Variants in TUFM observed in about 807,000 individuals in gnomAD.
TUFM encodes the protein Tu translation elongation factor, mitochondrial.
Under a neutral mutation model 45.0 loss-of-function variants are expected in TUFM, and 23 were observed. That is an observed-to-expected ratio of 0.51 (90% CI 0.37 to 0.72). The LOEUF (loss-of-function observed/expected upper bound fraction) is 0.72. Among genes scored for constraint, TUFM ranks in the 30% least tolerant of loss-of-function variants. The pLI, the probability that TUFM is intolerant of heterozygous loss-of-function variation, is 0.00. For missense variants in TUFM, 490 were observed against 610.7 expected, an observed-to-expected ratio of 0.80 and a Z score of 2.08; for synonymous variants, 243 against 252.9, an observed-to-expected ratio of 0.96 and a Z score of 0.37.
rs1280066234 is a variant in TUFM, at chr16:28,846,219, G to A, written c.51C>T (p.Ser17=). ...ATLLRATPHF[S]GLAAGRTFLL... ...CCATCGCCCTCCCTGACCACTCACC[G>A]CTGAAGTGGGGCGTCGCGCGCAGCA... Residue 17 remains serine, a splice_region_variant and synonymous_variant, in exon 1 of 10, where the codon AGC becomes AGT. Transcript: ENST00000313511. 6.3e-7 allele frequency: 1 copy of A among 1,577,746 alleles called. No individual in the cohort carries two copies. Among genetic ancestry groups the A allele is most frequent in the Admixed American group, 1.9e-5 (1 of 53,902 alleles).
In TUFM at chr16:28,844,094, C is replaced by A; in HGVS notation, c.930G>T (p.Glu310Asp). Residue 310 changes from glutamate (E) to aspartate (D), a missense_variant, in exon 8 of 10, where the codon GAG becomes GAT. Glu to Asp is a conservative substitution (Grantham distance 45). Transcript: ENST00000313511. This position sits in a 1 kb window ranked among gnomAD's most constrained non-coding sequence, Gnocchi z 5.8. ...CCCTCTCCAGGCTCTTGTGGAACATCTCAATGCCTAGGACGGAAAGGGAAA... is the reference window on the plus strand; with the variant it reads ...CCCTCTCCAGGCTCTTGTGGAACATATCAATGCCTAGGACGGAAAGGGAAA... ...KNIRTVVTGIEMFHKSLERAE... is the reference protein window; with the variant it reads ...KNIRTVVTGIDMFHKSLERAE... The A allele has an allele frequency of 6.2e-7, 1 of 1,614,164 alleles. No individual in the cohort carries two copies. The highest frequency in any genetic ancestry group is 8.5e-7 in the Non-Finnish European group (1 of 1,180,044).
In TUFM at chr16:28,844,104, A is replaced by G. The variant is rs878915924; in HGVS notation, c.923-3T>C. 1 of 1,614,180 alleles carries G rather than the reference A, an allele frequency of 6.2e-7. No homozygotes were observed. The highest frequency in any genetic ancestry group is 8.5e-7 in the Non-Finnish European group (1 of 1,180,022). On this transcript the variant is annotated splice_region_variant and splice_polypyrimidine_tract_variant and intron_variant, in intron 7 of 9. Transcript: ENST00000313511. The surrounding 1 kb of genome is among the most constrained non-coding windows in gnomAD (Gnocchi z 5.8). ...GCTCTTGTGGAACATCTCAATGCCTAGGACGGAAAGGGAAAAGGAGCAGGG... is the reference window on the plus strand; with the variant it reads ...GCTCTTGTGGAACATCTCAATGCCTGGGACGGAAAGGGAAAAGGAGCAGGG...
Position 28,843,798 on chromosome 16 carries a change from T to C in TUFM, c.1132A>G (p.Met378Val). 1 of 1,614,038 alleles carries C rather than the reference T, an allele frequency of 6.2e-7. No homozygotes were observed. Among genetic ancestry groups the C allele is most frequent in the Non-Finnish European group, 8.5e-7 (1 of 1,180,030 alleles). ...CAAGTCAGGGAGAACATGACAGGCA[T>C]GAAGTGGGACACAAAGGGCTTGTGG... The part of the protein sequence containing the change: ...GRHKPFVSHF[M>V]PVMFSLTWDM... Residue 378 changes from methionine (M) to valine (V), a missense_variant, in exon 9 of 10, where the codon ATG becomes GTG. Met to Val is a conservative substitution (Grantham distance 21, BLOSUM62 1). Coordinates refer to ENST00000313511, the MANE Select transcript of TUFM (RefSeq NM_003321.5).
In TUFM at chr16:28,844,899, G is replaced by A. The variant is rs769206810; in HGVS notation, c.520-37C>T. The A allele has an allele frequency of 5.6e-6, 9 of 1,613,954 alleles. No homozygotes were observed. The highest frequency in any genetic ancestry group is 2.2e-5 in the East Asian group (1 of 44,898). On this transcript the variant is annotated intron_variant, in intron 4 of 9. Coordinates refer to ENST00000313511, the MANE Select transcript of TUFM (RefSeq NM_003321.5). The surrounding 1 kb of genome is among the most constrained non-coding windows in gnomAD (Gnocchi z 5.8). Reference sequence around the variant, plus strand: ...AGAGAGACAGGGACAATATACAGAGGGGCCCAACTCCCCACTCTTCCCTTT... The same window carrying A: ...AGAGAGACAGGGACAATATACAGAGAGGCCCAACTCCCCACTCTTCCCTTT...
In TUFM at chr16:28,843,147, T is replaced by C. The variant is rs863224246; in HGVS notation, c.1196A>G (p.Glu399Gly). The C allele has an allele frequency of 6.2e-7, 1 of 1,614,164 alleles. No homozygotes were observed. The highest frequency in any genetic ancestry group is 8.5e-7 in the Non-Finnish European group (1 of 1,180,030). The change falls in exon 10 of 10, where the codon GAG (glutamate) becomes GGG (glycine). Residue 399 changes from glutamate (E) to glycine (G), a missense_variant and splice_region_variant. Physicochemically the swap from Glu to Gly is moderately conservative, Grantham distance 98. Coordinates refer to ENST00000313511, the MANE Select transcript of TUFM (RefSeq NM_003321.5). ...ACRIILPPEK[E>G]LAMPGEDLKF... ...CAGGTCCTCCCCGGGCATGGCAAGC[T>C]CCTAGAGTAGGAAGAGAAGGATCAT...
At chr16:28,845,101 C>T in intron 3 of TUFM, 46 bp from the exon 4 acceptor site, 1 of 1,603,034 alleles carries the variant, frequency 6.2e-7, no homozygotes, top group Non-Finnish European at 8.5e-7. Flanking sequence ...ACGAGCTCTT[C>T]AGTTCACATC....
chr16:28,842,873 G>C lies in TUFM; in HGVS notation c.*102C>G. 1.4e-6 allele frequency: 2 copies of C among 1,470,090 alleles called. No homozygotes were observed. Among genetic ancestry groups the C allele is most frequent in the Non-Finnish European group, 1.9e-6 (2 of 1,053,738 alleles). The allele number at this position is 1,470,090 out of a possible 1,614,324, so 91.1% of individuals were successfully genotyped here. Reference sequence around the variant, plus strand: ...GGAAATGTCCATCTAGCTGCCCTCTGCTGGGTTGCAGCCTATGCCATGAGA... The same window carrying C: ...GGAAATGTCCATCTAGCTGCCCTCTCCTGGGTTGCAGCCTATGCCATGAGA... On this transcript the variant is annotated 3_prime_UTR_variant, in exon 10 of 10. Coordinates refer to ENST00000313511, the MANE Select transcript of TUFM (RefSeq NM_003321.5).
At position 28,843,859 on chromosome 16, in the gene TUFM, G is replaced by C. The variant is rs752632946; in HGVS notation, c.1075-4C>G. 31 of 1,614,018 alleles carry C rather than the reference G, an allele frequency of 1.9e-5. No individual in the cohort carries two copies. The South Asian group carries it at 2.9e-4, about 15-fold the overall frequency. Reference sequence around the variant, plus strand: ...CCTCCTTGCTGAGGATGTAAACCTGGAGGAGAGCAAGCAATGACGGTGAGC... The same window carrying C: ...CCTCCTTGCTGAGGATGTAAACCTGCAGGAGAGCAAGCAATGACGGTGAGC... On this transcript the variant is annotated splice_region_variant and splice_polypyrimidine_tract_variant and intron_variant, in intron 8 of 9. Coordinates refer to ENST00000313511, the MANE Select transcript of TUFM (RefSeq NM_003321.5).
In TUFM at chr16:28,845,329, A is replaced by T; in HGVS notation, c.399T>A (p.His133Gln). Residue 133 changes from histidine to glutamine, a missense_variant, in exon 3 of 10, where the codon CAT (histidine) becomes CAA (glutamine). By Grantham distance (24) the His-to-Gln change is conservative. Transcript: ENST00000313511. ...CAACCCTCACCTTAACATAATCTGCATGACCCGGGCAGTCTGTGTGGGCGT... is the reference window on the plus strand; with the variant it reads ...CAACCCTCACCTTAACATAATCTGCTTGACCCGGGCAGTCTGTGTGGGCGT... ...RHYAHTDCPG[H>Q]ADYVKNMITG... 6 of 1,614,114 alleles carry T rather than the reference A, an allele frequency of 3.7e-6. No homozygotes were observed. Among genetic ancestry groups the T allele is most frequent in the Non-Finnish European group, 3.4e-6 (4 of 1,180,024 alleles).
rs77311668 is a variant in TUFM, at chr16:28,844,919, C to T, written c.519+32G>A. 824 of 1,614,172 alleles carry T rather than the reference C, an allele frequency of 5.1e-4. 4 individuals carry two copies. The African/African-American group carries it at 8.9e-3, about 17-fold the overall frequency. The stretch of plus-strand genomic sequence containing the variant: ...CAGAGGGGCCCAACTCCCCACTCTT[C>T]CCTTTTGCATCCTTACCCAGGCTCT... On this transcript the variant is annotated intron_variant, in intron 4 of 9. Transcript: ENST00000313511. The surrounding 1 kb of genome is among the most constrained non-coding windows in gnomAD (Gnocchi z 5.8).
Position 28,844,915 on chromosome 16 carries a change from T to C in TUFM, c.519+36A>G, listed in dbSNP as rs1961896258. 1 of 1,613,932 alleles carries C rather than the reference T, an allele frequency of 6.2e-7. No homozygotes were observed. The highest frequency in any genetic ancestry group is 8.5e-7 in the Non-Finnish European group (1 of 1,179,994). ...TATACAGAGGGGCCCAACTCCCCAC[T>C]CTTCCCTTTTGCATCCTTACCCAGG... On this transcript the variant is annotated intron_variant, in intron 4 of 9. Transcript: ENST00000313511. This position sits in a 1 kb window ranked among gnomAD's most constrained non-coding sequence, Gnocchi z 5.8.
rs1567453357 is a variant in TUFM at position 28,843,864 on chromosome 16, G to A, written c.1075-9C>T. 2.5e-6 allele frequency: 4 copies of A among 1,614,182 alleles called. No homozygotes were observed. The highest frequency in any genetic ancestry group is 3.4e-6 in the Non-Finnish European group (4 of 1,180,040). On this transcript the variant is annotated splice_polypyrimidine_tract_variant and intron_variant, in intron 8 of 9. Transcript: ENST00000313511. ...TTGCTGAGGATGTAAACCTGGAGGA[G>A]AGCAAGCAATGACGGTGAGCTGGGC... is the stretch of plus-strand genomic sequence containing the variant.
rs1288589673 is a variant in TUFM at position 28,844,850 on chromosome 16, G to A, written c.532C>T (p.His178Tyr). The change falls in exon 5 of 10, where the codon CAT becomes TAT. Residue 178 changes from histidine (H) to tyrosine (Y), a missense_variant. By Grantham distance (83) the His-to-Tyr change is moderately conservative. Transcript: ENST00000313511. The surrounding 1 kb of genome is among the most constrained non-coding windows in gnomAD (Gnocchi z 5.8). Reference sequence around the variant, plus strand: ...GCCTTGTTCACATACACCACCACATGCTCCACCCCAATCTGTAGATGCCAG... The same window carrying A: ...GCCTTGTTCACATACACCACCACATACTCCACCCCAATCTGTAGATGCCAG... Reference protein sequence around the residue: ...LLLARQIGVEHVVVYVNKADA... With the variant: ...LLLARQIGVEYVVVYVNKADA... 15 of 1,614,122 alleles carry A rather than the reference G, an allele frequency of 9.3e-6. No homozygotes were observed. In the South Asian group the frequency reaches 1.2e-4, roughly 13 times the overall value.
chr16:28,845,047 G>C lies in TUFM; in HGVS notation c.423C>G (p.Ile141Met). The C allele has an allele frequency of 1.2e-6, 2 of 1,614,088 alleles. No homozygotes were observed. The highest frequency in any genetic ancestry group is 1.7e-6 in the Non-Finnish European group (2 of 1,180,022). The change falls in exon 4 of 10, where the codon ATC becomes ATG. Residue 141 changes from isoleucine to methionine, a missense_variant. Transcript: ENST00000313511. ...PGHADYVKNMITGTAPLDGCI... is the reference protein window; with the variant it reads ...PGHADYVKNMMTGTAPLDGCI... Reference sequence around the variant, plus strand: ...AGCCGTCGAGGGGTGCAGTGCCTGTGATCATATTCTGGAGAGGAGAAGGAA... The same window carrying C: ...AGCCGTCGAGGGGTGCAGTGCCTGTCATCATATTCTGGAGAGGAGAAGGAA...
chr16:28,843,074 C>T lies in TUFM; in HGVS notation c.1269G>A (p.Gln423=), dbSNP rs1596601141. The T allele has an allele frequency of 1.2e-6, 2 of 1,614,238 alleles. No individual in the cohort carries two copies. The highest frequency in any genetic ancestry group is 1.1e-5 in the South Asian group (1 of 91,088). ...LRQPMILEKG[Q]RFTLRDGNRT... is the part of the protein sequence containing the mutation. ...GGTTGCCATCTCGCAGGGTGAAACG[C>T]TGGCCTTTCTCTAAGATCATTGGCT... Residue 423 remains glutamine (Q), a synonymous_variant, in exon 10 of 10, where the codon CAG becomes CAA. Coordinates refer to ENST00000313511, the MANE Select transcript of TUFM (RefSeq NM_003321.5).
rs1257878653 is a variant in TUFM at position 28,844,122 on chromosome 16, G to C, written c.923-21C>G. 4 of 1,614,076 alleles carry C rather than the reference G, an allele frequency of 2.5e-6. No individual in the cohort carries two copies. The highest frequency in any genetic ancestry group is 3.4e-6 in the Non-Finnish European group (4 of 1,180,038). On this transcript the variant is annotated intron_variant, in intron 7 of 9. Transcript: ENST00000313511. This position sits in a 1 kb window ranked among gnomAD's most constrained non-coding sequence, Gnocchi z 5.8. ...AATGCCTAGGACGGAAAGGGAAAAG[G>C]AGCAGGGAGAAGGAAGGCGAATGTG...
chr16:28,842,794 C>T lies in TUFM; in HGVS notation c.*181G>A. ...AGGACACAGGACACAGGCTGGCTTA[C>T]TATTCAAAGTTTACTGACCTCCCCA... is the stretch of plus-strand genomic sequence containing the variant. On this transcript the variant is annotated 3_prime_UTR_variant, in exon 10 of 10. Coordinates refer to ENST00000313511, the MANE Select transcript of TUFM (RefSeq NM_003321.5). 2 of 771,216 alleles carry T rather than the reference C, an allele frequency of 2.6e-6. No individual in the cohort carries two copies. Among genetic ancestry groups the T allele is most frequent in the Non-Finnish European group, 2.2e-6 (1 of 447,264 alleles). 47.8% of individuals were successfully genotyped at this position (771,216 alleles called of 1,614,324 possible). A position where few individuals can be genotyped will look rare whatever the true frequency, so the allele number is the denominator to read the frequency against.
Position 28,844,176 on chromosome 16 carries a change from C to CG in TUFM, c.922+53dup. The stretch of plus-strand genomic sequence containing the variant: ...CAGAGGGAAGGCACAAGGGATCTGC[C>CG]GGGGTAAGGCCACCCTTCAGCCAGG... On this transcript the variant is annotated intron_variant, in intron 7 of 9. Transcript: ENST00000313511. This position sits in a 1 kb window ranked among gnomAD's most constrained non-coding sequence, Gnocchi z 5.8. The CG allele has an allele frequency of 6.2e-7, 1 of 1,613,466 alleles. No homozygotes were observed. Among genetic ancestry groups the CG allele is most frequent in the Admixed American group, 1.7e-5 (1 of 60,000 alleles).
chr16:28,843,276 G>A (rs1036996813), intron 9 of TUFM, 128 bp from the exon 10 acceptor site: 9 of 966,028 alleles, frequency 9.3e-6, no homozygotes, highest in African/African-American at 3.2e-5. Context: ...CCTGGGGACA[G>A]CTTCATCCAT....
Sources: allele counts gnomAD v4.1 joint callset, GRCh38; gene constraint gnomAD v4.1.1; non-coding constraint Gnocchi (gnomAD v3.1); transcripts MANE v1.5; gene names NCBI Gene and HGNC (gene_info 2026-07-23, HGNC 2026-07-21).